Variants in PTPRD observed in about 807,000 individuals in gnomAD.
The protein encoded by PTPRD is receptor-type tyrosine-protein phosphatase delta.
PTPRD carries 34 observed loss-of-function variants against 214.5 expected under a neutral mutation model. The ratio of observed to expected loss-of-function variants is 0.16; its 90% CI spans 0.12 to 0.21. PTPRD has a LOEUF of 0.21. Ranked by LOEUF, PTPRD falls within the 10% of genes least tolerant of loss-of-function variation. The pLI, the probability that PTPRD is intolerant of heterozygous loss-of-function variation, is 1.00. For synonymous variants in PTPRD, 1,128 were observed against 845.7 expected (o/e 1.33, Z -5.79); for missense variants, 2,545 against 2,398.7 (o/e 1.06, Z -1.27).
intron 9 of PTPRD, among the ~76,000 whole-genome samples, chr9:9,219,521 G>C (rs563401736): frequency 6.6e-6 from 1 of 151,952 alleles, no homozygotes; most frequent in African/African-American, 2.4e-5. Context: ...TGCTCAGTTT[G>C]TATTTAAAGT....
chr9:10,447,679 C>A (rs187523673), intron 2 of PTPRD, among the ~76,000 whole-genome samples: 43 of 151,820 alleles, frequency 2.8e-4, no homozygotes, highest in Non-Finnish European at 5.7e-4. Context: ...GACTAAGAAC[C>A]CAAAGAGGTC....
chr9:9,913,801 C>T (rs2079897878), intron 5 of PTPRD, among the ~76,000 whole-genome samples: 2 of 152,258 alleles, frequency 1.3e-5, no homozygotes, highest in East Asian at 1.9e-4. Context: ...GGATTAGGAG[C>T]ACAAGGTGTG....
At chr9:10,445,149 A>C (rs557666048) in intron 2 of PTPRD, among the ~76,000 whole-genome samples, 2,153 of 152,182 alleles carry the variant, frequency 0.014, 38 homozygotes, top group African/African-American at 0.046. Context: ...GAGAGCATAA[A>C]GGTACAAGAA....
intron 33 of PTPRD, 42 bp downstream of exon 33, chr9:8,460,369 G>T (rs780834539): frequency 1.2e-6 from 2 of 1,605,350 alleles, no homozygotes; most frequent in Admixed American, 1.7e-5. Flanking sequence ...TCAAAAATAA[G>T]GCAGCCTCCA....
intron 5 of PTPRD, among the ~76,000 whole-genome samples, chr9:9,934,157 C>G (rs1207718058): frequency 6.7e-6 from 1 of 148,282 alleles, no homozygotes; most frequent in Non-Finnish European, 1.5e-5. Context: ...CCTAACATCA[C>G]AATTAAAAGA....
intron 5 of PTPRD, among the ~76,000 whole-genome samples, chr9:9,927,998 A>G (rs1387209457): frequency 6.6e-6 from 1 of 152,098 alleles, no homozygotes; most frequent in African/African-American, 2.4e-5. Context: ...TTTATGTATT[A>G]TAGGCATATA....
intron 2 of PTPRD, among the ~76,000 whole-genome samples, chr9:10,515,410 C>A (rs185259076): frequency 1.4e-5 from 2 of 141,898 alleles, no homozygotes; most frequent in East Asian, 4.3e-4. Flanking sequence ...CATAAAAGGG[C>A]AACGCCATTT....
At chr9:9,856,833 C>A (rs540745724) in intron 5 of PTPRD, among the ~76,000 whole-genome samples, 71 of 151,994 alleles carry the variant, frequency 4.7e-4, no homozygotes, top group African/African-American at 1.6e-3. Context: ...TGGAAGACCT[C>A]TATTGATAAG....
At chr9:9,133,641 AC>A (rs1245090100) in intron 10 of PTPRD, among the ~76,000 whole-genome samples, 1 of 152,210 alleles carries the variant, frequency 6.6e-6, no homozygotes, top group African/African-American at 2.4e-5. Context: ...TGTCAAAATC[AC>A]TATTGGATCA....
rs144522963 is a variant in PTPRD at position 10,222,196 on chromosome 9, T to C, written c.-545+118767A>G. On this transcript the variant is annotated intron_variant, in intron 3 of 45. Transcript: ENST00000381196. ...AAAATTATTTTTAACTCAGACTTTT[T>C]CCTCTCATCTGTGACAACTTTTCCT... 6.2e-3 allele frequency among the ~76,000 whole-genome samples: 944 copies of C among 152,204 alleles called. 11 individuals are homozygous for C. The highest frequency in any genetic ancestry group is 0.021 in the African/African-American group (888 of 41,568).
intron 7 of PTPRD, among the ~76,000 whole-genome samples, chr9:9,596,019 G>C (rs1342151506): frequency 6.6e-6 from 1 of 151,894 alleles, no homozygotes; most frequent in Non-Finnish European, 1.5e-5. Flanking sequence ...TTTGAAGTTT[G>C]TGTGATCTCA....
chr9:9,946,665 G>A (rs1275407497), intron 4 of PTPRD, among the ~76,000 whole-genome samples: 1 of 152,014 alleles, frequency 6.6e-6, no homozygotes, highest in Non-Finnish European at 1.5e-5. Context: ...ACTGGCTTCT[G>A]GGAGAACAGC....
intron 14 of PTPRD, among the ~76,000 whole-genome samples, chr9:8,597,767 G>A (rs976652706): frequency 6.6e-6 from 1 of 151,996 alleles, no homozygotes; most frequent in African/African-American, 2.4e-5. Flanking sequence ...TATGTGGCTT[G>A]GCATTCATAC....
intron 11 of PTPRD, among the ~76,000 whole-genome samples, chr9:8,933,352 T>G (rs1479826615): frequency 2.0e-5 from 3 of 146,924 alleles, no homozygotes; most frequent in Admixed American, 6.9e-5. Flanking sequence ...TTTTTTTTTT[T>G]TTTTTTTTTT....
intron 2 of PTPRD, among the ~76,000 whole-genome samples, chr9:10,517,659 T>C (rs926065351): frequency 3.3e-5 from 5 of 152,060 alleles, no homozygotes; most frequent in African/African-American, 7.2e-5. Flanking sequence ...TATATACATA[T>C]ATACATTTAT....
chr9:9,712,526 T>C (rs1326047747), intron 7 of PTPRD, among the ~76,000 whole-genome samples: 1 of 152,108 alleles, frequency 6.6e-6, no homozygotes, highest in African/African-American at 2.4e-5. Flanking sequence ...ACCCCACGAG[T>C]AAAGGTTCCT....
At chr9:8,551,971 C>A in intron 14 of PTPRD, among the ~76,000 whole-genome samples, 1 of 152,164 alleles carries the variant, frequency 6.6e-6, no homozygotes, top group East Asian at 1.9e-4. Flanking sequence ...TTGAGTACAA[C>A]TTTTCTGGCT....
chr9:8,523,464 T>C, intron 19 of PTPRD, 49 bp downstream of exon 19: 2 of 1,594,142 alleles, frequency 1.3e-6, no homozygotes, highest in East Asian at 2.2e-5. Flanking sequence ...TTGTTATTGG[T>C]TTAATTAATA....
intron 2 of PTPRD, among the ~76,000 whole-genome samples, chr9:10,505,285 T>C (rs2045536705): frequency 2.0e-5 from 3 of 152,180 alleles, no homozygotes; most frequent in African/African-American, 4.8e-5. Context: ...GAGAGGCAAT[T>C]AGACTTCACT....
Sources: allele counts gnomAD v4.1 joint callset (sites outside exome capture counted in the v4.1 genomes callset), GRCh38; gene constraint gnomAD v4.1.1; transcripts MANE v1.5; gene names NCBI Gene and HGNC (gene_info 2026-07-23, HGNC 2026-07-21).